CNGB1: variants seen among roughly 807,000 people sequenced by gnomAD.
CNGB1 encodes the protein cyclic nucleotide-gated channel beta-1.
A neutral mutation model predicts 151.7 loss-of-function variants in CNGB1; 126 were observed. The observed-to-expected ratio is 0.83, with a 90% confidence interval of 0.72 to 0.96. The LOEUF is 0.96. Among genes scored for constraint, CNGB1 ranks in the 40% least tolerant of loss-of-function variants. The probability of loss-of-function intolerance (pLI) is 0.00; values close to 1 mark genes in which losing one functional copy is unlikely to be tolerated. For missense variants in CNGB1, 1,698 were observed against 1,627.0 expected (o/e 1.04, Z -0.75); for synonymous variants, 623 against 635.1 (o/e 0.98, Z 0.29).
chr16:57,953,403 G>A (rs1327636900), intron 12 of CNGB1, among the ~76,000 whole-genome samples: 1 of 151,420 alleles, frequency 6.6e-6, no homozygotes, highest in Non-Finnish European at 1.5e-5. Context: ...GCTGAGGCAG[G>A]AGAATTGCTT....
intron 30 of CNGB1, 106 bp from the exon 31 acceptor site, chr16:57,897,649 G>A: frequency 1.9e-6 from 3 of 1,576,200 alleles, no homozygotes; most frequent in African/African-American, 1.3e-5. Context: ...CCACACAGAT[G>A]AGAACCTTCC....
chr16:57,955,045 G>A (rs927413157), intron 12 of CNGB1: 13 of 1,262,816 alleles, frequency 1.0e-5, no homozygotes, highest in Middle Eastern at 3.1e-4. Context: ...CACCACGCCC[G>A]GCTATGGGCC....
intron 29 of CNGB1, among the ~76,000 whole-genome samples, chr16:57,901,063 G>C (rs891906925): frequency 6.6e-5 from 10 of 152,106 alleles, no homozygotes; most frequent in South Asian, 2.1e-4. Flanking sequence ...TGGAGTTGGG[G>C]GGGGGGTCTT....
chr16:57,946,208 CA>C (rs1961804906), intron 14 of CNGB1, among the ~76,000 whole-genome samples: 1 of 152,208 alleles, frequency 6.6e-6, no homozygotes, highest in Non-Finnish European at 1.5e-5. Context: ...ATCCAGGGAG[CA>C]GCAGTGGCAG....
chr16:57,922,431 CTT>C (rs60969134), intron 18 of CNGB1, among the ~76,000 whole-genome samples: 4 of 136,480 alleles, frequency 2.9e-5, no homozygotes, highest in African/African-American at 3.0e-5. Flanking sequence ...TTCTTTCTTT[CTT>C]TTTTTTTTTT....
chr16:57,884,525 C>A (rs926435963), intron 32 of CNGB1, 68 bp from the exon 33 acceptor site: 18 of 1,569,854 alleles, frequency 1.1e-5, no homozygotes, highest in Non-Finnish European at 1.3e-5. Context: ...GTCTTGGACA[C>A]CTCCCTGTTC....
intron 31 of CNGB1, among the ~76,000 whole-genome samples, chr16:57,895,248 C>A (rs543509294): frequency 6.8e-4 from 104 of 152,234 alleles, no homozygotes; most frequent in African/African-American, 2.5e-3. Flanking sequence ...GAGTTTGAGA[C>A]CAGTCTAGCC....
In CNGB1 at chr16:57,955,278, G is replaced by T; in HGVS notation, c.874+2063C>A. The T allele has an allele frequency of 2.6e-6, 4 of 1,550,658 alleles. 1 individual carries two copies. In the Middle Eastern group the frequency reaches 6.7e-4, roughly 259 times the overall value. ...TCCCCCGGGAAGGTCTTCTCTTCAGGGCATCCTTCTTTCCTTCCATCCATG... is the reference window on the plus strand; with the variant it reads ...TCCCCCGGGAAGGTCTTCTCTTCAGTGCATCCTTCTTTCCTTCCATCCATG... On this transcript the variant is annotated intron_variant, in intron 12 of 32. Transcript: ENST00000251102.
Position 57,884,259 on chromosome 16 carries a change from G to A in CNGB1, c.3661C>T (p.His1221Tyr). 1.2e-6 allele frequency: 2 copies of A among 1,613,762 alleles called. No homozygotes were observed. The highest frequency in any genetic ancestry group is 1.7e-6 in the Non-Finnish European group (2 of 1,179,898). Residue 1221 changes from histidine to tyrosine, a missense_variant, in exon 33 of 33, where the codon CAC becomes TAC. By Grantham distance (83) the His-to-Tyr change is moderately conservative. Coordinates refer to ENST00000251102, the MANE Select transcript of CNGB1 (RefSeq NM_001297.5). ...EEEGPAEPEE[H>Y]SVRICMSPGP... ...GGGCTCATGCAGATCCTCACCGAGTGCTCTTCGGGCTCGGCCGGCCCCTCC... is the reference window on the plus strand; with the variant it reads ...GGGCTCATGCAGATCCTCACCGAGTACTCTTCGGGCTCGGCCGGCCCCTCC...
intron 12 of CNGB1, chr16:57,955,512 G>A: frequency 1.4e-6 from 1 of 699,968 alleles, no homozygotes; most frequent in African/African-American, 1.8e-5. Context: ...CCATGACATG[G>A]GACGTGAGTG....
Position 57,888,094 on chromosome 16 carries a change from A to G in CNGB1, c.3243-20T>C, listed in dbSNP as rs770093335. On this transcript the variant is annotated intron_variant, in intron 31 of 32. Transcript: ENST00000251102. ...ATGCGCCTGGAAGAAAGCAGCATCC[A>G]TTGACATCACAGACGCACTCTGGGG... 1.9e-6 allele frequency: 3 copies of G among 1,610,532 alleles called. No homozygotes were observed. The highest frequency in any genetic ancestry group is 2.2e-5 in the South Asian group (2 of 91,038).
At chr16:57,888,121 AAAAG>A (rs1959985790) in intron 31 of CNGB1, 47 bp from the exon 32 acceptor site, 1 of 1,582,518 alleles carries the variant, frequency 6.3e-7, no homozygotes, top group African/African-American at 1.3e-5. Context: ...ACTCTGGGGG[AAAAG>A]AAAGACTCGC....
chr16:57,943,235 C>T (rs1961716125), intron 14 of CNGB1, among the ~76,000 whole-genome samples: 1 of 152,174 alleles, frequency 6.6e-6, no homozygotes, highest in Admixed American at 6.5e-5. Context: ...TCTGAATAGA[C>T]ATTCCTCGGT....
In CNGB1 at chr16:57,919,181, G is replaced by C. The variant is rs1287450394; in HGVS notation, c.1875C>G (p.His625Gln). The change falls in exon 20 of 33, where the codon CAC becomes CAG. Residue 625 changes from histidine (H) to glutamine (Q), a missense_variant. Physicochemically the swap from His to Gln is conservative, Grantham distance 24. Coordinates refer to ENST00000251102, the MANE Select transcript of CNGB1 (RefSeq NM_001297.5). ...ACTTGCAGCAGAGCATGTCGCAATAGTGCTCCTCTTCCACTGGCTCGGCTT... is the reference window on the plus strand; with the variant it reads ...ACTTGCAGCAGAGCATGTCGCAATACTGCTCCTCTTCCACTGGCTCGGCTT... ...PAEAEPVEEEHYCDMLCCKFK... is the reference protein window; with the variant it reads ...PAEAEPVEEEQYCDMLCCKFK... The C allele has an allele frequency of 3.7e-6, 6 of 1,614,212 alleles. No homozygotes were observed. Among genetic ancestry groups the C allele is most frequent in the Non-Finnish European group, 4.2e-6 (5 of 1,180,046 alleles).
At chr16:57,944,906 A>G (rs1961763882) in intron 14 of CNGB1, among the ~76,000 whole-genome samples, 1 of 147,866 alleles carries the variant, frequency 6.8e-6, no homozygotes, top group East Asian at 2.0e-4. Flanking sequence ...GTGAGCCAGT[A>G]TCATGCCACT....
Position 57,901,537 on chromosome 16 carries a change from T to C in CNGB1, c.2883A>G (p.Ala961=). 1.2e-6 allele frequency: 2 copies of C among 1,614,012 alleles called. No individual in the cohort carries two copies. The highest frequency in any genetic ancestry group is 1.7e-6 in the Non-Finnish European group (2 of 1,179,996). Residue 961 remains alanine (A), a synonymous_variant, in exon 28 of 33, where the codon GCA becomes GCG. Transcript: ENST00000251102. ...GCACCAAAAGGTGTACCTGAAAGAG[T>C]GCGACTTTGCTAACGATGTTGTAGT... is the stretch of plus-strand genomic sequence containing the variant. ...DVNYNIVSKV[A]LFQGCDRQMI...
chr16:57,968,591 G>T (rs1054697037), intron 1 of CNGB1, among the ~76,000 whole-genome samples: 3 of 125,332 alleles, frequency 2.4e-5, no homozygotes, highest in Admixed American at 2.3e-4. Context: ...CTATTACATG[G>T]TATCAAATGA....
chr16:57,949,475 C>T (rs752065110), intron 13 of CNGB1, 36 bp from the exon 14 acceptor site: 33 of 1,612,584 alleles, frequency 2.0e-5, no homozygotes, highest in Admixed American at 5.0e-5. Context: ...TGAGCCCACC[C>T]GAAGCTGCCC....
chr16:57,931,696 A>T lies in CNGB1; in HGVS notation c.1535+20T>A. On this transcript the variant is annotated intron_variant, in intron 17 of 32. Transcript: ENST00000251102. Reference sequence around the variant, plus strand: ...GTGGCACAGTGCCGAGAAAAGCCCAAGAGAAGCATAAAAGGTAACCTGTGT... The same window carrying T: ...GTGGCACAGTGCCGAGAAAAGCCCATGAGAAGCATAAAAGGTAACCTGTGT... 6.2e-7 allele frequency: 1 copy of T among 1,613,688 alleles called. No homozygotes were observed.
Sources: allele counts gnomAD v4.1 joint callset (sites outside exome capture counted in the v4.1 genomes callset), GRCh38; gene constraint gnomAD v4.1.1; transcripts MANE v1.5; gene names NCBI Gene and HGNC (gene_info 2026-07-23, HGNC 2026-07-21).